RAB37: variants seen among roughly 807,000 people sequenced by gnomAD.
RAB37 encodes RAB37, member RAS oncogene family.
RAB37 carries 29 observed loss-of-function variants against 33.1 expected under a neutral mutation model. The ratio of observed to expected loss-of-function variants is 0.88; its 90% CI spans 0.65 to 1.20. The LOEUF (loss-of-function observed/expected upper bound fraction) is 1.20, where lower values mean the gene tolerates loss of function less well. Ranked by LOEUF, RAB37 falls within the 50% of genes most tolerant of loss-of-function variation. The probability of loss-of-function intolerance (pLI) is 0.00; values close to 1 mark genes in which losing one functional copy is unlikely to be tolerated. For synonymous variants in RAB37, 128 were observed against 119.5 expected (o/e 1.07, Z -0.47); for missense variants, 299 against 301.1 (o/e 0.99, Z 0.05).
intron 1 of RAB37, among the ~76,000 whole-genome samples, chr17:74,688,393 A>C (rs1405608275): frequency 6.6e-6 from 1 of 151,966 alleles, no homozygotes; most frequent in Non-Finnish European, 1.5e-5. Context: ...CTACTAAAAA[A>C]TACAAAAAAA....
rs536245158 is a variant in RAB37, at chr17:74,743,365, C to T, written c.366+25C>T. 1.4e-5 allele frequency: 22 copies of T among 1,612,358 alleles called. No individual in the cohort carries two copies. The African/African-American group carries it at 2.3e-4, about 17-fold the overall frequency. ...GGTAGGTCCTCCCTTCCCCTGACTC[C>T]CACCCATAAGCAGCCAAGGCAAGGT... On this transcript the variant is annotated intron_variant, in intron 5 of 8. Coordinates refer to ENST00000392613, the MANE Select transcript of RAB37 (RefSeq NM_001006638.3).
chr17:74,695,761 G>A (rs1291021106), intron 1 of RAB37: 1 of 1,614,190 alleles, frequency 6.2e-7, no homozygotes. Flanking sequence ...GGTCAACCTG[G>A]GCAGAGGAAA....
upstream of RAB37, chr17:74,737,179 C>A (rs2034494274): frequency 9.9e-7 from 1 of 1,007,228 alleles, no homozygotes; most frequent in South Asian, 1.4e-5. Context: ...GGGTCCCGGT[C>A]GAGGGAGGGG....
In RAB37 at chr17:74,698,660, T is replaced by G. The variant is rs902367675; in HGVS notation, c.72+27002T>G. ...AAGATGGGTTTACAATGAGTACACA[T>G]AGACACAAAGAAGGGAATGGAACAA... On this transcript the variant is annotated intron_variant, in intron 1 of 7. Coordinates refer to the RAB37 transcript ENST00000340415. 17 of 1,425,062 alleles carry G rather than the reference T, an allele frequency of 1.2e-5. No individual in the cohort carries two copies. In the East Asian group the frequency reaches 4.0e-4, roughly 34 times the overall value. The allele number at this position is 1,425,062 out of a possible 1,614,324, so 88.3% of individuals were successfully genotyped here. A position where few individuals can be genotyped will look rare whatever the true frequency, so the allele number is the denominator to read the frequency against.
At position 74,704,635 on chromosome 17, in the gene RAB37, C is replaced by T. The variant is rs1456831866; in HGVS notation, c.73-24621C>T. The T allele has an allele frequency of 1.9e-6, 3 of 1,614,080 alleles. No individual in the cohort carries two copies. In the African/African-American group the frequency reaches 4.0e-5, roughly 22 times the overall value. On this transcript the variant is annotated intron_variant, in intron 1 of 7. Coordinates refer to the RAB37 transcript ENST00000340415. ...CCTTGATGGACACCCGGTCCCTCTT[C>T]ACCTCCTGCTCTGACCCACTGGTTT...
At position 74,745,365 on chromosome 17, in the gene RAB37, A is replaced by G; in HGVS notation, c.626A>G (p.Tyr209Cys). 1 of 1,614,146 alleles carries G rather than the reference A, an allele frequency of 6.2e-7. No individual in the cohort carries two copies. Among genetic ancestry groups the G allele is most frequent in the South Asian group, 1.1e-5 (1 of 91,084 alleles). Residue 209 changes from tyrosine to cysteine, a missense_variant, in exon 9 of 9, where the codon TAT (tyrosine) becomes TGT (cysteine). Physicochemically the swap from Tyr to Cys is radical, Grantham distance 194. Transcript: ENST00000392613. The surrounding 1 kb of genome is among the most constrained non-coding windows in gnomAD (Gnocchi z 4.5). ...GAGCCCAGCTTCCAGATCCGAGACT[A>G]TGTAGAGTCCCAGAAGAAGCGCTCC... ...ADEPSFQIRD[Y>C]VESQKKRSSC...
chr17:74,677,474 A>G (rs2031859671), intron 1 of RAB37: 1 of 152,252 alleles, frequency 6.6e-6, no homozygotes, highest in Non-Finnish European at 1.5e-5. Context: ...ATTAGCAGAA[A>G]AATCCATGCC....
At chr17:74,685,901 A>G (rs1465940747) in intron 1 of RAB37, among the ~76,000 whole-genome samples, 2 of 152,196 alleles carry the variant, frequency 1.3e-5, no homozygotes, top group African/African-American at 4.8e-5. Flanking sequence ...AAATGCAGTT[A>G]GTCACCGTTA....
In RAB37 at chr17:74,729,395, G is replaced by C. The variant is rs765179558; in HGVS notation, c.183+29G>C. The C allele has an allele frequency of 2.6e-6, 4 of 1,534,216 alleles. No homozygotes were observed. Among genetic ancestry groups the C allele is most frequent in the South Asian group, 1.1e-5 (1 of 89,522 alleles). On this transcript the variant is annotated intron_variant, in intron 2 of 7. Transcript: ENST00000340415. This position sits in a 1 kb window ranked among gnomAD's most constrained non-coding sequence, Gnocchi z 4.2. ...AGCACTGGCCGGCACTGCCAGCTCT[G>C]GGCCTGGGCTCAGGACCCCAGCGTG...
At chr17:74,680,057 C>T (rs2031922786) in intron 1 of RAB37, among the ~76,000 whole-genome samples, 1 of 151,542 alleles carries the variant, frequency 6.6e-6, no homozygotes. Context: ...AAGCCTGAAT[C>T]ATTACAGCAG....
At chr17:74,674,326 C>T (rs1330803990) in intron 1 of RAB37, among the ~76,000 whole-genome samples, 1 of 150,950 alleles carries the variant, frequency 6.6e-6, no homozygotes, top group African/African-American at 2.4e-5. Context: ...AAGAGATCCA[C>T]CCGCTCGGCC....
Position 74,676,129 on chromosome 17 carries a change from C to G in RAB37, c.72+4471C>G, listed in dbSNP as rs1352966138. ...TACTGTGCCAGGGTCTGACCTTGAG[C>G]TCCCAGAAAATGAAAAGATTTTCAT... On this transcript the variant is annotated intron_variant, in intron 1 of 7. Transcript: ENST00000340415. The surrounding 1 kb of genome is among the most constrained non-coding windows in gnomAD (Gnocchi z 4.1). Among the ~76,000 whole-genome samples the G allele has an allele frequency of 6.6e-6, 1 of 152,094 alleles. No homozygotes were observed. The highest frequency in any genetic ancestry group is 1.9e-4 in the East Asian group (1 of 5,192).
intron 1 of RAB37, among the ~76,000 whole-genome samples, chr17:74,700,376 A>G (rs1876840313): frequency 1.3e-5 from 2 of 151,630 alleles, no homozygotes; most frequent in South Asian, 4.2e-4. Flanking sequence ...TTCCAGTTGC[A>G]TTTTTCTCCA....
At chr17:74,688,296 T>A (rs1488680335) in intron 1 of RAB37, among the ~76,000 whole-genome samples, 2 of 152,172 alleles carry the variant, frequency 1.3e-5, no homozygotes, top group Admixed American at 1.3e-4. Flanking sequence ...ACGTCTGTAA[T>A]CCCAGCACTT....
intron 1 of RAB37, chr17:74,712,689 T>A: frequency 1.2e-6 from 1 of 837,588 alleles, no homozygotes; most frequent in Non-Finnish European, 1.9e-6. Context: ...GCTAGGTGAA[T>A]GGTGGGTATG....
In RAB37 at chr17:74,742,216, A is replaced by T; in HGVS notation, c.205-38A>T. 6.2e-7 allele frequency: 1 copy of T among 1,608,808 alleles called. No homozygotes were observed. Among genetic ancestry groups the T allele is most frequent in the Non-Finnish European group, 8.5e-7 (1 of 1,177,254 alleles). On this transcript the variant is annotated intron_variant, in intron 2 of 8. Transcript: ENST00000392613. The surrounding 1 kb of genome is among the most constrained non-coding windows in gnomAD (Gnocchi z 4.0). ...GTCTGCAGAGCTGAGGAGCCACATG[A>T]CTCCTGCCCTCCCATCCTCTGCCTT...
At chr17:74,734,381 C>T (rs1598317058), upstream of RAB37, among the ~76,000 whole-genome samples, 1 of 152,310 alleles carries the variant, frequency 6.6e-6, no homozygotes, top group South Asian at 2.1e-4. Context: ...CTGCAATGAC[C>T]ACATTTCCAA....
At position 74,744,992 on chromosome 17, in the gene RAB37, A is replaced by G. The variant is rs1439204684; in HGVS notation, c.490-16A>G. ...GCAACCCGACGCTGGCCCTGAGGACACTCTCTCCCGGGCAGGAGTACGGTG... is the reference window on the plus strand; with the variant it reads ...GCAACCCGACGCTGGCCCTGAGGACGCTCTCTCCCGGGCAGGAGTACGGTG... On this transcript the variant is annotated splice_polypyrimidine_tract_variant and intron_variant, in intron 7 of 8. Transcript: ENST00000392613. This position sits in a 1 kb window ranked among gnomAD's most constrained non-coding sequence, Gnocchi z 4.2. 1.2e-6 allele frequency: 2 copies of G among 1,614,156 alleles called. No homozygotes were observed. Among genetic ancestry groups the G allele is most frequent in the Non-Finnish European group, 1.7e-6 (2 of 1,180,018 alleles).
chr17:74,727,151 C>T (rs1168944585), intron 1 of RAB37, among the ~76,000 whole-genome samples: 1 of 152,246 alleles, frequency 6.6e-6, no homozygotes, highest in Admixed American at 6.5e-5. Context: ...TTGTCTTCTC[C>T]TTGTTCTAAG....
Sources: gnomAD v4.1 joint callset for allele counts (sites outside exome capture counted in the v4.1 genomes callset) on GRCh38, gnomAD v4.1.1 for gene constraint, Gnocchi (gnomAD v3.1) non-coding constraint, MANE v1.5 for transcripts, NCBI Gene and HGNC (gene_info 2026-07-23, HGNC 2026-07-21) for gene names.